Variants in EFEMP1 observed in about 807,000 individuals in gnomAD.
EFEMP1 encodes the protein EGF-containing fibulin-like extracellular matrix protein 1.
In EFEMP1, 18 loss-of-function variants were observed where a neutral mutation model predicts 65.7. The observed-to-expected ratio is 0.27, with a 90% CI of 0.19 to 0.41. EFEMP1 has a LOEUF of 0.41. EFEMP1 is among the 10% of genes least tolerant of loss of function. The pLI is 1.00. For missense variants in EFEMP1, 469 were observed against 624.8 expected, an observed-to-expected ratio of 0.75 and a Z score of 2.66; for synonymous variants, 237 against 219.7, an observed-to-expected ratio of 1.08 and a Z score of -0.70.
chr2:55,893,148 C>T (rs1008096538), intron 5 of EFEMP1, among the ~76,000 whole-genome samples: 1 of 152,108 alleles, frequency 6.6e-6, no homozygotes, highest in South Asian at 2.1e-4. Context: ...AATTACGAAT[C>T]TCTTTTCATG....
In EFEMP1 at chr2:55,902,594, C is replaced by A. The variant is rs376127393; in HGVS notation, c.517+15071G>T. On this transcript the variant is annotated intron_variant, in intron 5 of 11. Transcript: ENST00000355426. Reference sequence around the variant, plus strand: ...AATACCGTAATTACCCATGTCAGTGCCTGGGGAAAAGACTGCAGTGATCTA... The same window carrying A: ...AATACCGTAATTACCCATGTCAGTGACTGGGGAAAAGACTGCAGTGATCTA... Among the ~76,000 whole-genome samples the A allele has an allele frequency of 5.3e-5, 8 of 152,334 alleles. No individual in the cohort carries two copies. In the East Asian group the frequency reaches 1.3e-3, roughly 26 times the overall value.
At chr2:55,875,337 C>T (rs754098624) in intron 8 of EFEMP1, among the ~76,000 whole-genome samples, 35 of 124,934 alleles carry the variant, frequency 2.8e-4, no homozygotes, top group South Asian at 2.1e-3. Flanking sequence ...TTCATATATA[C>T]ACACACACAC....
intron 5 of EFEMP1, among the ~76,000 whole-genome samples, chr2:55,889,450 A>ATCTTACTTATGATCTT (rs1394309589): frequency 1.4e-4 from 21 of 152,288 alleles, no homozygotes; most frequent in Non-Finnish European, 2.6e-4. Flanking sequence ...ATTTCATTAT[A>ATCTTACTTATGATCTT]TCTTACTTAT....
intron 5 of EFEMP1, among the ~76,000 whole-genome samples, chr2:55,882,543 G>T (rs1399405752): frequency 1.3e-5 from 2 of 152,010 alleles, no homozygotes; most frequent in African/African-American, 2.4e-5. Flanking sequence ...AGATCAAAAG[G>T]TGATATAAAT....
In EFEMP1 at chr2:55,877,906, G is replaced by T; in HGVS notation, c.641-41C>A. 1.2e-6 allele frequency: 2 copies of T among 1,608,860 alleles called. No homozygotes were observed. Among genetic ancestry groups the T allele is most frequent in the South Asian group, 2.2e-5 (2 of 90,712 alleles). On this transcript the variant is annotated intron_variant, in intron 6 of 11. Coordinates refer to ENST00000355426, the MANE Select transcript of EFEMP1 (RefSeq NM_001039348.3). The surrounding 1 kb of genome is among the most constrained non-coding windows in gnomAD (Gnocchi z 4.5). Reference sequence around the variant, plus strand: ...CACACACAAAGAGAACCAAATTATTGAATTAGCATTCTCTGAAAAGCATTA... The same window carrying T: ...CACACACAAAGAGAACCAAATTATTTAATTAGCATTCTCTGAAAAGCATTA...
At chr2:55,909,046 C>G (rs923943948) in intron 5 of EFEMP1, among the ~76,000 whole-genome samples, 1 of 152,086 alleles carries the variant, frequency 6.6e-6, no homozygotes, top group African/African-American at 2.4e-5. Context: ...AAAACGGGGA[C>G]AAGGTATCTG....
chr2:55,880,313 G>A (rs1444222130), intron 6 of EFEMP1, among the ~76,000 whole-genome samples: 3 of 152,116 alleles, frequency 2.0e-5, no homozygotes, highest in Non-Finnish European at 2.9e-5. Context: ...GGCTGTGACC[G>A]TATGTTCCAT....
intron 5 of EFEMP1, among the ~76,000 whole-genome samples, chr2:55,913,454 G>A (rs968003923): frequency 2.0e-5 from 3 of 152,196 alleles, no homozygotes; most frequent in Non-Finnish European, 2.9e-5. Context: ...TAGTAGTCAT[G>A]CCTGTAAGTC....
Position 55,877,881 on chromosome 2 carries a change from C to T in EFEMP1, c.641-16G>A, listed in dbSNP as rs768054482. ...TCATCTATGTCTAGGTTATCAGGCA[C>T]ACACACAAAGAGAACCAAATTATTG... On this transcript the variant is annotated splice_polypyrimidine_tract_variant and intron_variant, in intron 6 of 11. Transcript: ENST00000355426. The surrounding 1 kb of genome is among the most constrained non-coding windows in gnomAD (Gnocchi z 4.5). 6.2e-7 allele frequency: 1 copy of T among 1,612,566 alleles called. No homozygotes were observed. Among genetic ancestry groups the T allele is most frequent in the Non-Finnish European group, 8.5e-7 (1 of 1,178,870 alleles).
At position 55,890,203 on chromosome 2, in the gene EFEMP1, A is replaced by G. The variant is rs571564422; in HGVS notation, c.518-8469T>C. On this transcript the variant is annotated intron_variant, in intron 5 of 11. Coordinates refer to ENST00000355426, the MANE Select transcript of EFEMP1 (RefSeq NM_001039348.3). ...ATTAGTATTAGAAGAGGTTGACTTT[A>G]TGGAAAAAAAAGATTATTAGAGAAT... Among the ~76,000 whole-genome samples, 12 of 152,150 alleles carry G rather than the reference A, an allele frequency of 7.9e-5. No homozygotes were observed. In the South Asian group the frequency reaches 2.5e-3, roughly 32 times the overall value.
At chr2:55,895,821 G>A (rs763067285) in intron 5 of EFEMP1, among the ~76,000 whole-genome samples, 11 of 152,092 alleles carry the variant, frequency 7.2e-5, no homozygotes, top group Non-Finnish European at 1.5e-4. Context: ...GATTACAGGC[G>A]TGAACCACCG....
chr2:55,913,938 A>T (rs72811709), intron 5 of EFEMP1, among the ~76,000 whole-genome samples: 1,989 of 152,262 alleles, frequency 0.013, 41 homozygotes, highest in African/African-American at 0.045. Context: ...TAAACCCAGA[A>T]GGTGGAAGTT....
chr2:55,897,947 A>G (rs1460688784), intron 5 of EFEMP1, among the ~76,000 whole-genome samples: 1 of 152,188 alleles, frequency 6.6e-6, no homozygotes, highest in Non-Finnish European at 1.5e-5. Context: ...CCTTGTTACA[A>G]TGACTCTGCT....
At position 55,881,691 on chromosome 2, in the gene EFEMP1, G is replaced by T. The variant is rs750758098; in HGVS notation, c.561C>A (p.Asp187Glu). Residue 187 changes from aspartate (D) to glutamate (E), a missense_variant, in exon 6 of 12, where the codon GAC becomes GAA. Coordinates refer to ENST00000355426, the MANE Select transcript of EFEMP1 (RefSeq NM_001039348.3). ...CTAGTHNCRA[D>E]QVCINLRGSF... is the part of the protein sequence containing the mutation. Reference sequence around the variant, plus strand: ...ATCCCCGTAAATTGATGCACACTTGGTCTGCTCTACAGTTGTGCGTCCCTG... The same window carrying T: ...ATCCCCGTAAATTGATGCACACTTGTTCTGCTCTACAGTTGTGCGTCCCTG... The T allele has an allele frequency of 5.0e-6, 8 of 1,613,924 alleles. No homozygotes were observed. Among genetic ancestry groups the T allele is most frequent in the African/African-American group, 1.3e-5 (1 of 75,026 alleles).
At chr2:55,889,961 T>A (rs936291623) in intron 5 of EFEMP1, among the ~76,000 whole-genome samples, 2 of 152,010 alleles carry the variant, frequency 1.3e-5, no homozygotes, top group Non-Finnish European at 2.9e-5. Context: ...AATAGAATGG[T>A]AGGTAGTTTT....
rs1372078894 is a variant in EFEMP1 at position 55,885,003 on chromosome 2, T to G, written c.518-3269A>C. 6.6e-6 allele frequency among the ~76,000 whole-genome samples: 1 copy of G among 152,176 alleles called. No homozygotes were observed. Among genetic ancestry groups the G allele is most frequent in the Non-Finnish European group, 1.5e-5 (1 of 68,034 alleles). The stretch of plus-strand genomic sequence containing the variant: ...AGTTTCAGGAAAAGTAGGATCAGTG[T>G]TTTACCTAATGGAGCTAAAAATGTA... On this transcript the variant is annotated intron_variant, in intron 5 of 11. Transcript: ENST00000355426. The surrounding 1 kb of genome is among the most constrained non-coding windows in gnomAD (Gnocchi z 4.3).
intron 8 of EFEMP1, 138 bp downstream of exon 8, chr2:55,876,485 C>G (rs1669039536): frequency 1.6e-6 from 2 of 1,240,096 alleles, no homozygotes; most frequent in Non-Finnish European, 2.2e-6. Flanking sequence ...AATGTAACAA[C>G]TGAACTACAT....
intron 5 of EFEMP1, among the ~76,000 whole-genome samples, chr2:55,913,387 C>G (rs1670555685): frequency 6.6e-6 from 1 of 152,062 alleles, no homozygotes; most frequent in Admixed American, 6.5e-5. Context: ...TTACAATCAA[C>G]TTTATTGGAC....
At chr2:55,900,892 T>C (rs1344733) in intron 5 of EFEMP1, among the ~76,000 whole-genome samples, 61,359 of 152,042 alleles carry the variant, frequency 0.4, 14,590 homozygotes, top group African/African-American at 0.67. Context: ...TAAGCCACTA[T>C]CCTGCCTCTT....
Sources: allele counts gnomAD v4.1 joint callset (sites outside exome capture counted in the v4.1 genomes callset), GRCh38; gene constraint gnomAD v4.1.1; non-coding constraint Gnocchi (gnomAD v3.1); transcripts MANE v1.5; gene names NCBI Gene and HGNC (gene_info 2026-07-23, HGNC 2026-07-21).